Variants in ZNF438 observed in about 807,000 individuals in gnomAD.
The protein encoded by ZNF438 is zinc finger protein 438.
A neutral mutation model predicts 38.0 loss-of-function variants in ZNF438; 25 were observed. The ratio of observed to expected loss-of-function variants is 0.66; its 90% confidence interval spans 0.48 to 0.92. The LOEUF is 0.92. ZNF438 is among the 40% of genes least tolerant of loss of function. The pLI is 0.00. For synonymous variants in ZNF438, 372 were observed against 364.1 expected (o/e 1.02, Z -0.25); for missense variants, 1,007 against 999.6 (o/e 1.01, Z -0.10).
Position 30,970,137 on chromosome 10 carries a change from CACACACAT to C in ZNF438, c.-191-28494_-191-28487del, listed in dbSNP as rs1413845269. 1.1e-4 allele frequency among the ~76,000 whole-genome samples: 15 copies of C among 140,814 alleles called. No homozygotes were observed. In the South Asian group the frequency reaches 2.5e-3, roughly 24 times the overall value. The allele number at this position is 140,814 out of a possible 152,430, so 92.4% of individuals were successfully genotyped here. A position where few individuals can be genotyped will look rare whatever the true frequency, so the allele number is the denominator to read the frequency against. ...ACACACACACACACACACACACACA[CACACACAT>C]ATACACACACACACATATATTAGGC... On this transcript the variant is annotated intron_variant, in intron 1 of 5. Transcript: ENST00000413025.
intron 4 of ZNF438, among the ~76,000 whole-genome samples, chr10:30,863,630 A>G (rs117398588): frequency 0.013 from 1,985 of 152,314 alleles, 18 homozygotes; most frequent in Non-Finnish European, 0.019. Flanking sequence ...GTCAGAGTTA[A>G]CTTTCCCACC....
At chr10:30,856,190 T>TC (rs1389111865) in intron 4 of ZNF438, among the ~76,000 whole-genome samples, 1 of 152,190 alleles carries the variant, frequency 6.6e-6, no homozygotes, top group Non-Finnish European at 1.5e-5. Context: ...GGAAGTAATC[T>TC]AGTAAGTAAT....
intron 1 of ZNF438, among the ~76,000 whole-genome samples, chr10:30,975,965 G>T (rs2051295982): frequency 6.6e-6 from 1 of 151,908 alleles, no homozygotes; most frequent in Non-Finnish European, 1.5e-5. Flanking sequence ...CAGAGAAGCA[G>T]ATAAGTAAAA....
chr10:30,886,870 A>G (rs1330854093), intron 3 of ZNF438, among the ~76,000 whole-genome samples: 1 of 152,148 alleles, frequency 6.6e-6, no homozygotes, highest in Non-Finnish European at 1.5e-5. Context: ...AATGCACCCC[A>G]CTTTAAGATG....
chr10:30,889,996 T>G (rs543910888), intron 3 of ZNF438, among the ~76,000 whole-genome samples: 1 of 149,994 alleles, frequency 6.7e-6, no homozygotes, highest in South Asian at 2.1e-4. Flanking sequence ...GTAAAAAAAT[T>G]ACTCAAAAAA....
chr10:30,890,858 G>C (rs1388036083), intron 3 of ZNF438, among the ~76,000 whole-genome samples: 1 of 152,050 alleles, frequency 6.6e-6, no homozygotes, highest in Admixed American at 6.6e-5. Context: ...TCAATTTTAG[G>C]CATTATCAAC....
chr10:30,925,470 A>G (rs2044805442), intron 2 of ZNF438, among the ~76,000 whole-genome samples: 1 of 152,222 alleles, frequency 6.6e-6, no homozygotes, highest in African/African-American at 2.4e-5. Flanking sequence ...CAAAGAAATA[A>G]CATGAAGACA....
chr10:30,845,556 A>G, exon 6 of ZNF438: 1 of 1,610,670 alleles, frequency 6.2e-7, no homozygotes, highest in South Asian at 1.1e-5. Context: ...GTCTTCTTCC[A>G]GGTTGGACTT....
Position 30,930,803 on chromosome 10 carries a change from C to CAAAAAAAAAAAAAAAAAAAAAAAAAAAA in ZNF438, c.-115+10744_-115+10771dup, listed in dbSNP as rs71527620. On this transcript the variant is annotated intron_variant, in intron 2 of 5. Coordinates refer to ENST00000413025, the Ensembl canonical transcript of ZNF438. ...GCCTGGCGACAGAGAGAAACTCAGT[C>CAAAAAAAAAAAAAAAAAAAAAAAAAAAA]AAAAAAAAAAAAAAAAAAAAAAAAA... 4.7e-4 allele frequency among the ~76,000 whole-genome samples: 18 copies of CAAAAAAAAAAAAAAAAAAAAAAAAAAAA among 38,444 alleles called. 4 individuals are homozygous for CAAAAAAAAAAAAAAAAAAAAAAAAAAAA. The highest frequency in any genetic ancestry group is 0.021 in the Middle Eastern group (1 of 48). 25.2% of individuals were successfully genotyped at this position (38,444 alleles called of 152,430 possible). A position where few individuals can be genotyped will look rare whatever the true frequency, so the allele number is the denominator to read the frequency against.
chr10:31,026,880 G>T (rs1329181379), intron 1 of ZNF438, among the ~76,000 whole-genome samples: 1 of 152,134 alleles, frequency 6.6e-6, no homozygotes, highest in Non-Finnish European at 1.5e-5. Flanking sequence ...AGAAAATGTG[G>T]CACATATACA....
intron 1 of ZNF438, among the ~76,000 whole-genome samples, chr10:30,982,906 T>G (rs2052373317): frequency 6.6e-6 from 1 of 152,214 alleles, no homozygotes; most frequent in African/African-American, 2.4e-5. Flanking sequence ...CAGAAATGGA[T>G]ATGTAAGAAT....
chr10:31,023,292 T>C (rs755788313), intron 1 of ZNF438, among the ~76,000 whole-genome samples: 28 of 152,180 alleles, frequency 1.8e-4, no homozygotes, highest in Non-Finnish European at 3.4e-4. Context: ...TCAAGACTAA[T>C]TGTGGCAGGC....
chr10:30,848,233 G>A (rs1051975810), intron 5 of ZNF438, among the ~76,000 whole-genome samples: 1 of 152,176 alleles, frequency 6.6e-6, no homozygotes, highest in Non-Finnish European at 1.5e-5. Context: ...GGCAAATGAT[G>A]CTGTTTAAAA....
At chr10:31,011,867 T>G (rs1430952772) in intron 1 of ZNF438, among the ~76,000 whole-genome samples, 1 of 152,220 alleles carries the variant, frequency 6.6e-6, no homozygotes, top group African/African-American at 2.4e-5. Context: ...GACCCTTGAA[T>G]AGAATCCTAG....
intron 4 of ZNF438, among the ~76,000 whole-genome samples, chr10:30,864,358 G>T (rs2036077557): frequency 6.6e-6 from 1 of 152,176 alleles, no homozygotes; most frequent in South Asian, 2.1e-4. Context: ...GTGCCTCGGG[G>T]ATACTGCACC....
chr10:30,984,239 T>C (rs1392722421), intron 1 of ZNF438, 130 bp downstream of exon 2: 1 of 152,132 alleles, frequency 6.6e-6, no homozygotes, highest in African/African-American at 2.4e-5. Context: ...TTTCTACAAA[T>C]GTTATACTGA....
chr10:30,845,424 T>A, exon 6 of ZNF438: 3 of 1,614,154 alleles, frequency 1.9e-6, no homozygotes, highest in Non-Finnish European at 2.5e-6. Context: ...TAGCCTGCCC[T>A]CAATTTCCTC....
chr10:30,938,099 T>C (rs748355574), intron 2 of ZNF438, among the ~76,000 whole-genome samples: 1 of 152,162 alleles, frequency 6.6e-6, no homozygotes, highest in Non-Finnish European at 1.5e-5. Flanking sequence ...AAAATATCTA[T>C]GGATGACTCT....
At chr10:30,953,412 T>TAA (rs200955478) in intron 1 of ZNF438, among the ~76,000 whole-genome samples, 2 of 146,132 alleles carry the variant, frequency 1.4e-5, no homozygotes, top group Non-Finnish European at 3.0e-5. Flanking sequence ...TAAAAAAAAT[T>TAA]TAAAAAATTA....
Sources: gnomAD v4.1 joint callset for allele counts (sites outside exome capture counted in the v4.1 genomes callset) on GRCh38, gnomAD v4.1.1 for gene constraint, MANE v1.5 for transcripts, NCBI Gene and HGNC (gene_info 2026-07-23, HGNC 2026-07-21) for gene names.